Variants in FMN1 observed in about 807,000 individuals in gnomAD.
FMN1 encodes the protein formin-1.
In FMN1, 110 loss-of-function variants were observed where a neutral mutation model predicts 132.4. The observed-to-expected ratio is 0.83, with a 90% CI of 0.71 to 0.97. The LOEUF (loss-of-function observed/expected upper bound fraction) is 0.97. Ranked by LOEUF, FMN1 falls within the 50% of genes least tolerant of loss-of-function variation. The pLI is 0.00. For synonymous variants in FMN1, 722 were observed against 651.7 expected (o/e 1.11, Z -1.64); for missense variants, 1,792 against 1,705.3 (o/e 1.05, Z -0.90).
intron 4 of FMN1, among the ~76,000 whole-genome samples, chr15:33,149,083 A>C (rs907064565): frequency 1.3e-5 from 2 of 151,384 alleles, no homozygotes; most frequent in Non-Finnish European, 1.5e-5. Context: ...CAACCAGAGA[A>C]ACAATATAAA....
At chr15:32,886,986 A>G (rs2059911102) in intron 16 of FMN1, among the ~76,000 whole-genome samples, 1 of 151,694 alleles carries the variant, frequency 6.6e-6, no homozygotes, top group Admixed American at 6.5e-5. Flanking sequence ...TCATTCAACC[A>G]CATCAATGGG....
intron 7 of FMN1, among the ~76,000 whole-genome samples, chr15:32,984,807 T>C (rs775295869): frequency 2.0e-5 from 3 of 152,166 alleles, no homozygotes; most frequent in Non-Finnish European, 4.4e-5. Flanking sequence ...GTAACCTTCA[T>C]TGCATCATCC....
intron 4 of FMN1, among the ~76,000 whole-genome samples, chr15:33,131,620 AC>A: frequency 6.6e-6 from 1 of 152,164 alleles, no homozygotes; most frequent in East Asian, 1.9e-4. Context: ...AAATACAACT[AC>A]CCCACTGTGA....
chr15:33,105,240 G>A (rs1426715646), intron 4 of FMN1, among the ~76,000 whole-genome samples: 1 of 152,084 alleles, frequency 6.6e-6, no homozygotes, highest in Admixed American at 6.6e-5. Flanking sequence ...CTGGGGAGCA[G>A]GGGTCATCCC....
chr15:32,876,213 G>T (rs1451653229), intron 16 of FMN1, among the ~76,000 whole-genome samples: 1 of 152,150 alleles, frequency 6.6e-6, no homozygotes, highest in African/African-American at 2.4e-5. Context: ...GTTTATTCCT[G>T]TTGTTCTTTT....
chr15:32,948,811 G>A (rs931714427), intron 9 of FMN1, among the ~76,000 whole-genome samples: 4 of 151,402 alleles, frequency 2.6e-5, no homozygotes, highest in Non-Finnish European at 5.9e-5. Flanking sequence ...GTCTTTAATT[G>A]ATGTTCTCTA....
chr15:32,901,063 A>G (rs1436044877), intron 13 of FMN1, among the ~76,000 whole-genome samples: 1 of 152,108 alleles, frequency 6.6e-6, no homozygotes, highest in Non-Finnish European at 1.5e-5. Context: ...CTGAGGCAGG[A>G]GAATCGCTTG....
chr15:32,957,581 A>G (rs2029957304), intron 9 of FMN1, among the ~76,000 whole-genome samples: 2 of 152,266 alleles, frequency 1.3e-5, no homozygotes, highest in Admixed American at 1.3e-4. Context: ...TAATCTAGAG[A>G]TTCCCATTTG....
chr15:33,061,730 A>G (rs2037493221), intron 6 of FMN1, among the ~76,000 whole-genome samples: 1 of 152,158 alleles, frequency 6.6e-6, no homozygotes, highest in Non-Finnish European at 1.5e-5. Flanking sequence ...AAACATATCA[A>G]AGACAATAGA....
chr15:32,992,593 T>C (rs1350155463), intron 7 of FMN1, among the ~76,000 whole-genome samples: 1 of 152,102 alleles, frequency 6.6e-6, no homozygotes, highest in Non-Finnish European at 1.5e-5. Flanking sequence ...ATAAAGAAAA[T>C]GTTCGATAAG....
chr15:32,969,063 G>A lies in FMN1; in HGVS notation c.2638C>T (p.Pro880Ser). 2 of 1,561,442 alleles carry A rather than the reference G, an allele frequency of 1.3e-6. No homozygotes were observed. The highest frequency in any genetic ancestry group is 2.4e-5 in the South Asian group (2 of 83,320). ...AAAGATCCAAGTCCTGAGGGGAGGG[G>A]CGGAGGGGGAGGGATGGATGCGGGA... is the stretch of plus-strand genomic sequence containing the variant. ...PPPASIPPPP[P>S]LPSGLGSLSP... Residue 880 changes from proline to serine, a missense_variant, in exon 8 of 21, where the codon CCC (proline) becomes TCC (serine). Transcript: ENST00000616417.
intron 4 of FMN1, among the ~76,000 whole-genome samples, chr15:33,124,210 G>A (rs546690478): frequency 7.4e-4 from 113 of 152,310 alleles, no homozygotes; most frequent in Middle Eastern, 3.4e-3. Flanking sequence ...CAAAAGAAAA[G>A]TGAGGTGATG....
chr15:33,026,096 TACACACAC>T (rs58334971), intron 6 of FMN1, among the ~76,000 whole-genome samples: 12,280 of 144,726 alleles, frequency 0.085, 655 homozygotes, highest in South Asian at 0.14. Context: ...TGCTTAGGCA[TACACACAC>T]ACACACACAC....
At chr15:32,891,747 T>C (rs997263225) in intron 15 of FMN1, among the ~76,000 whole-genome samples, 5 of 152,172 alleles carry the variant, frequency 3.3e-5, no homozygotes, top group African/African-American at 1.2e-4. Flanking sequence ...GTAGTTTTCC[T>C]TGTGGAGGTC....
chr15:33,020,746 C>T (rs2035376037), intron 6 of FMN1, among the ~76,000 whole-genome samples: 1 of 151,966 alleles, frequency 6.6e-6, no homozygotes, highest in African/African-American at 2.4e-5. Flanking sequence ...ATAAAAGAAA[C>T]AGCACACATT....
At chr15:33,003,353 C>G (rs2034224453) in intron 7 of FMN1, among the ~76,000 whole-genome samples, 1 of 152,074 alleles carries the variant, frequency 6.6e-6, no homozygotes, top group Non-Finnish European at 1.5e-5. Flanking sequence ...TCAGCAAAGT[C>G]TCAGGATACA....
chr15:32,999,116 T>C (rs1196646726), intron 7 of FMN1, among the ~76,000 whole-genome samples: 1 of 152,192 alleles, frequency 6.6e-6, no homozygotes, highest in Non-Finnish European at 1.5e-5. Flanking sequence ...CAGTAATGAA[T>C]TACACTAATA....
At chr15:32,990,262 T>C (rs1343595852) in intron 7 of FMN1, among the ~76,000 whole-genome samples, 1 of 152,100 alleles carries the variant, frequency 6.6e-6, no homozygotes, top group African/African-American at 2.4e-5. Flanking sequence ...TTTGGCGTGC[T>C]GCAGAGGCAA....
intron 20 of FMN1, among the ~76,000 whole-genome samples, chr15:32,776,470 C>G (rs188870641): frequency 3.9e-5 from 6 of 152,272 alleles, no homozygotes; most frequent in Admixed American, 3.9e-4. Flanking sequence ...AGGAGAATCC[C>G]TGCCTCTTTC....
Sources: allele counts gnomAD v4.1 joint callset (sites outside exome capture counted in the v4.1 genomes callset), GRCh38; gene constraint gnomAD v4.1.1; transcripts MANE v1.5; gene names NCBI Gene and HGNC (gene_info 2026-07-23, HGNC 2026-07-21).